The following PYHIN1 variants were observed in gnomAD, a reference collection of about 807,000 sequenced individuals.
The protein encoded by PYHIN1 is pyrin and HIN domain family member 1, also known as pyrin and HIN domain-containing protein 1.
Under a neutral mutation model 43.7 loss-of-function variants are expected in PYHIN1, and 32 were observed. The observed-to-expected ratio is 0.73, with a 90% CI of 0.55 to 0.98. The LOEUF (loss-of-function observed/expected upper bound fraction) is 0.98. PYHIN1 is among the 50% of genes least tolerant of loss of function. The pLI is 0.00. For synonymous variants in PYHIN1, 205 were observed against 203.1 expected, an observed-to-expected ratio of 1.01 and a Z score of -0.08; for missense variants, 588 against 589.5, an observed-to-expected ratio of 1.00 and a Z score of 0.03.
At chr1:158,988,628 G>C in the PYHIN1 span, among the ~76,000 whole-genome samples, 2 of 152,126 alleles carry the variant, frequency 1.3e-5, no homozygotes, top group African/African-American at 4.8e-5. Context: ...GCTGTATTGA[G>C]TTCTGTTGAA....
intron 7 of PYHIN1, among the ~76,000 whole-genome samples, chr1:158,960,411 A>C (rs1650253720): frequency 6.6e-6 from 1 of 152,242 alleles, no homozygotes; most frequent in Admixed American, 6.5e-5. Context: ...ACCCTTGCTA[A>C]AGCTGTACAG....
intron 1 of PYHIN1, among the ~76,000 whole-genome samples, chr1:158,932,819 A>G (rs1408793894): frequency 6.6e-6 from 1 of 152,058 alleles, no homozygotes; most frequent in Non-Finnish European, 1.5e-5. Context: ...AAAGTTAATG[A>G]TGTTTTATTT....
At chr1:158,974,405 A>G (rs75067441) in intron 8 of PYHIN1, among the ~76,000 whole-genome samples, 6,232 of 152,148 alleles carry the variant, frequency 0.041, 343 homozygotes, top group East Asian at 0.26. Context: ...ACACTTGATA[A>G]TAAGTACAGT....
chr1:158,985,833 G>A, the PYHIN1 span, among the ~76,000 whole-genome samples: 1 of 152,048 alleles, frequency 6.6e-6, no homozygotes, highest in Non-Finnish European at 1.5e-5. Flanking sequence ...CATATTTCTT[G>A]AAGTTTCGTT....
At position 158,959,385 on chromosome 1, in the gene PYHIN1, G is replaced by T. The variant is rs149993875; in HGVS notation, c.1360-14262G>T. Among the ~76,000 whole-genome samples the T allele has an allele frequency of 1.7e-4, 25 of 150,898 alleles. No individual in the cohort carries two copies. The East Asian group carries it at 4.1e-3, about 25-fold the overall frequency. ...CAAACCTGTGGGTAATTTGGTTGCC[G>T]ACCGGACCCTTTAGAGAGCAATTAT... On this transcript the variant is annotated intron_variant, in intron 7 of 8. Transcript: ENST00000368140.
intron 7 of PYHIN1, among the ~76,000 whole-genome samples, chr1:158,949,680 A>G (rs1281812183): frequency 1.3e-5 from 2 of 151,936 alleles, no homozygotes; most frequent in African/African-American, 2.4e-5. Context: ...ATGATTTCCA[A>G]TTTCATTCAT....
At chr1:158,973,530 CACACACAT>C (rs1312224791) in intron 7 of PYHIN1, 109 bp from the exon 8 acceptor site, 4 of 988,790 alleles carry the variant, frequency 4.0e-6, no homozygotes, top group Non-Finnish European at 6.1e-6. Context: ...CACACACACA[CACACACAT>C]ATACACACAT....
downstream of PYHIN1, among the ~76,000 whole-genome samples, chr1:158,979,532 C>T (rs1190761210): frequency 6.6e-6 from 1 of 152,100 alleles, no homozygotes; most frequent in Non-Finnish European, 1.5e-5. Flanking sequence ...AATAACATTC[C>T]ATTATATATA....
At chr1:158,941,441 C>G (rs183240609) in intron 4 of PYHIN1, among the ~76,000 whole-genome samples, 1 of 152,082 alleles carries the variant, frequency 6.6e-6, no homozygotes, top group South Asian at 2.1e-4. Flanking sequence ...GGGTTTAGCC[C>G]ACAGGTGTTC....
At chr1:158,973,608 T>C (rs766945759) in intron 7 of PYHIN1, 39 bp from the exon 8 acceptor site, 8 of 1,609,882 alleles carry the variant, frequency 5.0e-6, no homozygotes, top group Non-Finnish European at 6.8e-6. Flanking sequence ...CTTTCTGTCA[T>C]AAAGTGAAAG....
intron 2 of PYHIN1, 142 bp downstream of exon 2, chr1:158,937,317 T>C (rs1015285983): frequency 1.1e-6 from 1 of 875,060 alleles, no homozygotes; most frequent in East Asian, 2.6e-5. Flanking sequence ...GTACTTCAGA[T>C]GCCAACAAGT....
chr1:158,937,748 C>A (rs926315800), intron 2 of PYHIN1, among the ~76,000 whole-genome samples: 3 of 152,034 alleles, frequency 2.0e-5, no homozygotes, highest in Non-Finnish European at 4.4e-5. Context: ...AGATCGAGAC[C>A]ATCCTGGCTA....
chr1:158,943,048 A>G (rs935470553), intron 5 of PYHIN1, among the ~76,000 whole-genome samples: 2 of 152,182 alleles, frequency 1.3e-5, no homozygotes, highest in Non-Finnish European at 2.9e-5. Context: ...TACTGTCAAA[A>G]TTCACGAAAC....
chr1:158,980,695 T>C (rs905366331), downstream of PYHIN1, among the ~76,000 whole-genome samples: 4 of 152,088 alleles, frequency 2.6e-5, no homozygotes, highest in African/African-American at 4.8e-5. Context: ...AACCCTGTGT[T>C]CTGTTGTTTA....
chr1:158,963,583 T>C lies in PYHIN1; in HGVS notation c.1360-10064T>C, dbSNP rs143010451. Among the ~76,000 whole-genome samples, 227 of 152,308 alleles carry C rather than the reference T, an allele frequency of 1.5e-3. 1 individual carries two copies. The highest frequency in any genetic ancestry group is 2.7e-3 in the Non-Finnish European group (186 of 68,028). On this transcript the variant is annotated intron_variant, in intron 7 of 8. Transcript: ENST00000368140. ...GCACTGAGAGGGAGCATGCCCTGCATATGGCAGAGCAAGAGCCTACCTACT... is the reference window on the plus strand; with the variant it reads ...GCACTGAGAGGGAGCATGCCCTGCACATGGCAGAGCAAGAGCCTACCTACT...
intron 6 of PYHIN1, among the ~76,000 whole-genome samples, chr1:158,944,229 C>T (rs574241243): frequency 3.3e-5 from 5 of 152,266 alleles, no homozygotes; most frequent in East Asian, 3.9e-4. Flanking sequence ...TAGGAGGCCA[C>T]GGGCCTAATT....
intron 7 of PYHIN1, among the ~76,000 whole-genome samples, chr1:158,972,802 A>G (rs1401456920): frequency 6.6e-6 from 1 of 152,100 alleles, no homozygotes; most frequent in African/African-American, 2.4e-5. Context: ...AAAATAAGAC[A>G]GATCATCTCT....
chr1:158,949,246 G>A (rs1228172019), intron 7 of PYHIN1, among the ~76,000 whole-genome samples: 2 of 152,134 alleles, frequency 1.3e-5, no homozygotes, highest in East Asian at 3.9e-4. Flanking sequence ...ACATCAGTAA[G>A]GCTGCCCTGC....
At chr1:158,937,923 C>A (rs1489015999) in intron 2 of PYHIN1, among the ~76,000 whole-genome samples, 4 of 146,572 alleles carry the variant, frequency 2.7e-5, no homozygotes, top group Admixed American at 7.0e-5. Flanking sequence ...CCCGCCTGGG[C>A]GACAGAGCGA....
Sources: gnomAD v4.1 joint callset for allele counts (sites outside exome capture counted in the v4.1 genomes callset) on GRCh38, gnomAD v4.1.1 for gene constraint, MANE v1.5 for transcripts, NCBI Gene and HGNC (gene_info 2026-07-23, HGNC 2026-07-21) for gene names.